DOCK5: variants seen among roughly 807,000 people sequenced by gnomAD.
DOCK5 encodes the protein dedicator of cytokinesis 5.
Under a neutral mutation model 251.8 loss-of-function variants are expected in DOCK5, and 142 were observed. The observed-to-expected ratio is 0.56, with a 90% CI of 0.49 to 0.65. The LOEUF is 0.65. Ranked by LOEUF, DOCK5 falls within the 30% of genes least tolerant of loss-of-function variation. DOCK5 has a pLI of 0.00. For missense variants in DOCK5, 2,111 were observed against 2,312.3 expected (o/e 0.91, Z 1.79); for synonymous variants, 842 against 835.5 (o/e 1.01, Z -0.13).
At chr8:25,279,102 C>T (rs1804119675) in intron 5 of DOCK5, among the ~76,000 whole-genome samples, 2 of 152,124 alleles carry the variant, frequency 1.3e-5, no homozygotes. Flanking sequence ...TTTCAGGGCT[C>T]AGCTGCATGA....
chr8:25,336,199 G>A, intron 21 of DOCK5, 40 bp from the exon 22 acceptor site: 1 of 1,594,184 alleles, frequency 6.3e-7, no homozygotes, highest in East Asian at 2.3e-5. Context: ...AGAGTATCCT[G>A]TTGCTCATTG....
At chr8:25,281,238 C>G (rs540894411) in intron 5 of DOCK5, among the ~76,000 whole-genome samples, 15 of 150,934 alleles carry the variant, frequency 9.9e-5, no homozygotes, top group African/African-American at 3.7e-4. Flanking sequence ...ACCAGCCCGT[C>G]CCAATATGGT....
chr8:25,284,610 C>T (rs913343909), intron 5 of DOCK5, among the ~76,000 whole-genome samples: 1 of 152,354 alleles, frequency 6.6e-6, no homozygotes, highest in Non-Finnish European at 1.5e-5. Flanking sequence ...GGCCTCTTTT[C>T]CTTTCTGTCA....
intron 26 of DOCK5, among the ~76,000 whole-genome samples, chr8:25,350,336 A>G (rs1800444356): frequency 6.8e-6 from 1 of 148,100 alleles, no homozygotes; most frequent in African/African-American, 2.5e-5. Context: ...AGAGGCTATG[A>G]AAAGTCAAGT....
At chr8:25,262,027 T>C (rs1803599381) in intron 2 of DOCK5, among the ~76,000 whole-genome samples, 1 of 152,224 alleles carries the variant, frequency 6.6e-6, no homozygotes. Flanking sequence ...CTGTCAGTAC[T>C]CCCATTGATG....
At chr8:25,228,201 A>G (rs748458399) in intron 1 of DOCK5, among the ~76,000 whole-genome samples, 3 of 152,216 alleles carry the variant, frequency 2.0e-5, no homozygotes, top group African/African-American at 4.8e-5. Flanking sequence ...TGAAACACAC[A>G]TTTACTTATT....
At chr8:25,271,130 A>G (rs117719145) in intron 3 of DOCK5, 62 of 314,154 alleles carry the variant, frequency 2.0e-4, no homozygotes, top group Non-Finnish European at 2.3e-4. Flanking sequence ...GTAGATAGAT[A>G]GGGTTCCCCC....
At chr8:25,258,652 A>C (rs1803486790) in intron 2 of DOCK5, among the ~76,000 whole-genome samples, 1 of 152,128 alleles carries the variant, frequency 6.6e-6, no homozygotes, top group African/African-American at 2.4e-5. Context: ...CTGCTATCCA[A>C]GTGTGTCTTG....
At chr8:25,398,458 C>T (rs1801383036) in intron 45 of DOCK5, among the ~76,000 whole-genome samples, 1 of 152,152 alleles carries the variant, frequency 6.6e-6, no homozygotes. Flanking sequence ...GCTGCTGTAA[C>T]AAAGTTCTCC....
At position 25,308,835 on chromosome 8, in the gene DOCK5, A is replaced by G; in HGVS notation, c.1102A>G (p.Ile368Val). ...GAGGCAGCTCATCATGTCGCCTTTG[A>G]TAACATCACACGTGATTGGGGAGAA... ...RQRQLIMSPL[I>V]TSHVIGENEP... The change falls in exon 12 of 52, where the codon ATA (isoleucine) becomes GTA (valine). Residue 368 changes from isoleucine to valine, a missense_variant. This residue lies in a region of DOCK5 where 1,717 missense variants were observed against 1,892.4 expected (regional missense o/e 0.91). Coordinates refer to ENST00000276440, the MANE Select transcript of DOCK5 (RefSeq NM_024940.8). 6.2e-7 allele frequency: 1 copy of G among 1,613,960 alleles called. No homozygotes were observed. The highest frequency in any genetic ancestry group is 8.5e-7 in the Non-Finnish European group (1 of 1,179,862).
intron 5 of DOCK5, among the ~76,000 whole-genome samples, 156 bp downstream of exon 5, chr8:25,278,821 C>CAG (rs1804113416): frequency 2.0e-5 from 3 of 152,146 alleles, no homozygotes; most frequent in Admixed American, 1.3e-4. Context: ...ATTCTCATTT[C>CAG]CCCAGAGCTG....
rs752655929 is a variant in DOCK5, at chr8:25,243,750, G to A, written c.120G>A (p.Met40Ile). ...QIGDTVHILEMYEGWYRGYTL... is the reference protein window; with the variant it reads ...QIGDTVHILEIYEGWYRGYTL... ...GTGACACAGTTCACATCCTGGAGAT[G>A]TACGAGGGTAAGTCTGGCTGGCCTT... The change falls in exon 2 of 52, where the codon ATG (methionine) becomes ATA (isoleucine). Residue 40 changes from methionine to isoleucine, a missense_variant. Transcript: ENST00000276440. 6.2e-7 allele frequency: 1 copy of A among 1,613,476 alleles called. No individual in the cohort carries two copies. Among genetic ancestry groups the A allele is most frequent in the African/African-American group, 1.3e-5 (1 of 74,940 alleles).
intron 34 of DOCK5, among the ~76,000 whole-genome samples, chr8:25,370,362 C>T (rs1361394160): frequency 6.6e-6 from 1 of 152,064 alleles, no homozygotes; most frequent in East Asian, 1.9e-4. Flanking sequence ...ATTTTTTTTC[C>T]CTCTCCAAGA....
chr8:25,194,147 A>C (rs1362278831), intron 1 of DOCK5, among the ~76,000 whole-genome samples: 3 of 140,180 alleles, frequency 2.1e-5, no homozygotes, highest in Non-Finnish European at 4.7e-5. Context: ...AAAAAAAATT[A>C]GCCAGGTGTG....
chr8:25,262,540 A>T (rs1340575958), intron 2 of DOCK5, among the ~76,000 whole-genome samples: 1 of 152,138 alleles, frequency 6.6e-6, no homozygotes, highest in Non-Finnish European at 1.5e-5. Context: ...TATATTTTTT[A>T]AAATGTTATC....
chr8:25,258,098 T>A (rs1471162946), intron 2 of DOCK5, among the ~76,000 whole-genome samples: 1 of 152,146 alleles, frequency 6.6e-6, no homozygotes, highest in Non-Finnish European at 1.5e-5. Flanking sequence ...ATTTCCTTCC[T>A]CTCACTGAGC....
intron 1 of DOCK5, among the ~76,000 whole-genome samples, chr8:25,229,607 TTTGCTTTGAA>T (rs1295706514): frequency 6.6e-6 from 1 of 152,238 alleles, no homozygotes; most frequent in Non-Finnish European, 1.5e-5. Flanking sequence ...TTTTCGTTTC[TTTGCTTTGAA>T]TTGATTGCGA....
chr8:25,300,513 G>A lies in DOCK5; in HGVS notation c.765-63G>A, dbSNP rs1586308451. On this transcript the variant is annotated intron_variant, in intron 8 of 51. Transcript: ENST00000276440. ...CCTTCCCTTGTAAGTCTATACTGAG[G>A]GTAGCCTCATCTCCAACCCCAGTTA... The A allele has an allele frequency of 1.5e-5, 21 of 1,444,422 alleles. No individual in the cohort carries two copies. The East Asian group carries it at 5.0e-4, about 34-fold the overall frequency. 89.5% of individuals were successfully genotyped at this position (1,444,422 alleles called of 1,614,324 possible).
intron 2 of DOCK5, among the ~76,000 whole-genome samples, chr8:25,262,774 C>T (rs1055017037): frequency 3.8e-4 from 58 of 151,984 alleles, no homozygotes; most frequent in African/African-American, 1.3e-3. Flanking sequence ...ACCCCACCAA[C>T]GATGCAGATA....
Sources: gnomAD v4.1 joint callset for allele counts (sites outside exome capture counted in the v4.1 genomes callset) on GRCh38, gnomAD v4.1.1 for gene constraint, gnomAD v4.1.1 regional missense constraint, MANE v1.5 for transcripts, NCBI Gene and HGNC (gene_info 2026-07-23, HGNC 2026-07-21) for gene names.